Variants in FPGT observed in about 807,000 individuals in gnomAD.
The protein encoded by FPGT is fucose-1-phosphate guanylyltransferase.
In FPGT, 41 loss-of-function variants were observed where a neutral mutation model predicts 45.8. The observed-to-expected ratio is 0.90, with a 90% CI of 0.70 to 1.16. The LOEUF (loss-of-function observed/expected upper bound fraction) is 1.16, where lower values mean the gene tolerates loss of function less well. Among genes scored for constraint, FPGT ranks in the 50% most tolerant of loss-of-function variants. The pLI, the probability that FPGT is intolerant of heterozygous loss-of-function variation, is 0.00. For synonymous variants in FPGT, 292 were observed against 247.2 expected, an observed-to-expected ratio of 1.18 and a Z score of -1.70; for missense variants, 755 against 689.1, an observed-to-expected ratio of 1.10 and a Z score of -1.07.
In FPGT at chr1:74,204,770, T is replaced by C. The variant is rs1311343542; in HGVS notation, c.723T>C (p.Ala241=). The change falls in exon 4 of 4, where the codon GCT becomes GCC. Residue 241 remains alanine, a synonymous_variant. Transcript: ENST00000370898. ...PSIEKMYQFN[A]VCRPGNFCQQ... ...TAGAAAAGATGTATCAGTTTAATGCTGTGTGTAGACCTGGAAATTTTTGTC... is the reference window on the plus strand; with the variant it reads ...TAGAAAAGATGTATCAGTTTAATGCCGTGTGTAGACCTGGAAATTTTTGTC... 1.9e-6 allele frequency: 3 copies of C among 1,613,952 alleles called. No individual in the cohort carries two copies. The highest frequency in any genetic ancestry group is 2.5e-6 in the Non-Finnish European group (3 of 1,179,938).
rs1401553458 is a variant in FPGT at position 74,201,393 on chromosome 1, T to C, written c.326T>C (p.Ile109Thr). The change falls in exon 3 of 4, where the codon ATC (isoleucine) becomes ACC (threonine). Residue 109 changes from isoleucine (I) to threonine (T), a missense_variant. Transcript: ENST00000370898. Reference sequence around the variant, plus strand: ...GGAGATAAATGGAATTCTTTTACCATCTTATTAATTCACTCTGGTAATGTT... The same window carrying C: ...GGAGATAAATGGAATTCTTTTACCACCTTATTAATTCACTCTGGTAATGTT... ...LYGDKWNSFT[I>T]LLIHSGGYSQ... 2 of 1,606,234 alleles carry C rather than the reference T, an allele frequency of 1.2e-6. No homozygotes were observed. The highest frequency in any genetic ancestry group is 1.7e-6 in the Non-Finnish European group (2 of 1,174,796).
In FPGT at chr1:74,205,671, C is replaced by T. The variant is rs1652227659; in HGVS notation, c.1624C>T (p.Leu542=). 39 of 1,608,650 alleles carry T rather than the reference C, an allele frequency of 2.4e-5. No individual in the cohort carries two copies. In the East Asian group the frequency reaches 8.7e-4, roughly 36 times the overall value. ...SSLSDSVITS[L]KMLNAVKNKS... is the part of the protein sequence containing the mutation. ...TTTGAGTGACTCAGTTATAACATCCCTAAAGATGTTAAATGCTGTTAAGAA... is the reference window on the plus strand; with the variant it reads ...TTTGAGTGACTCAGTTATAACATCCTTAAAGATGTTAAATGCTGTTAAGAA... The change falls in exon 4 of 4, where the codon CTA becomes TTA. Residue 542 remains leucine, a synonymous_variant. Transcript: ENST00000370898.
chr1:74,204,479 A>C lies in FPGT; in HGVS notation c.432A>C (p.Leu144=), dbSNP rs775943283. Residue 144 remains leucine (L), a synonymous_variant, in exon 4 of 4, where the codon CTA becomes CTC. Coordinates refer to ENST00000370898, the MANE Select transcript of FPGT (RefSeq NM_003838.5). Reference sequence around the variant, plus strand: ...TTGGTAACCCCATTTATCAGATGCTAGAATTAAAACTAGCCATGTACATTG... The same window carrying C: ...TTGGTAACCCCATTTATCAGATGCTCGAATTAAAACTAGCCATGTACATTG... The part of the protein sequence containing the change: ...LPLGNPIYQM[L]ELKLAMYIDF... 5 of 1,610,844 alleles carry C rather than the reference A, an allele frequency of 3.1e-6. No homozygotes were observed. The highest frequency in any genetic ancestry group is 1.3e-5 in the African/African-American group (1 of 74,882).
chr1:74,199,973 T>G, intron 2 of FPGT, 142 bp downstream of exon 2: 1 of 999,316 alleles, frequency 1.0e-6, no homozygotes, highest in Non-Finnish European at 1.4e-6. Flanking sequence ...ATAAATTGAC[T>G]TTTTTTAGAA....
At position 74,205,117 on chromosome 1, in the gene FPGT, A is replaced by G. The variant is rs1344788432; in HGVS notation, c.1070A>G (p.Tyr357Cys). 6.2e-7 allele frequency: 1 copy of G among 1,613,674 alleles called. No individual in the cohort carries two copies. Residue 357 changes from tyrosine (Y) to cysteine (C), a missense_variant, in exon 4 of 4, where the codon TAT (tyrosine) becomes TGT (cysteine). Transcript: ENST00000370898. ...GTTGTTCTTAATAACTCCAAATTTT[A>G]TCACATTGGAACAACCGAAGAATAT... ...NVVVLNNSKF[Y>C]HIGTTEEYLF... is the part of the protein sequence containing the mutation.
rs201158336 is a variant in FPGT, at chr1:74,199,713, G to A, written c.132G>A (p.Ala44=). ...GEFWDIVAIT[A]ADEKQELAYN... Reference sequence around the variant, plus strand: ...TCTGGGACATAGTTGCAATAACAGCGGCTGATGAAAAACAGGAACTTGCTT... The same window carrying A: ...TCTGGGACATAGTTGCAATAACAGCAGCTGATGAAAAACAGGAACTTGCTT... Residue 44 remains alanine, a synonymous_variant, in exon 2 of 4, where the codon GCG becomes GCA. Transcript: ENST00000370898. The A allele has an allele frequency of 1.5e-5, 25 of 1,613,984 alleles. No homozygotes were observed. In the African/African-American group the frequency reaches 3.1e-4, roughly 20 times the overall value.
Position 74,205,940 on chromosome 1 carries a change from A to G in FPGT, c.*108A>G, listed in dbSNP as rs1652250072. On this transcript the variant is annotated 3_prime_UTR_variant, in exon 4 of 4. Coordinates refer to ENST00000370898, the MANE Select transcript of FPGT (RefSeq NM_003838.5). ...CAGTTAATGAAAACTGTATTAACAT[A>G]ATTGTTGTAGCATAATATTAATAGT... 2 of 636,044 alleles carry G rather than the reference A, an allele frequency of 3.1e-6. No homozygotes were observed. Among genetic ancestry groups the G allele is most frequent in the South Asian group, 2.1e-5 (1 of 46,974 alleles). 39.4% of individuals were successfully genotyped at this position (636,044 alleles called of 1,614,324 possible).
chr1:74,202,186 A>T (rs1651858661), intron 3 of FPGT, among the ~76,000 whole-genome samples: 1 of 152,240 alleles, frequency 6.6e-6, no homozygotes, highest in Admixed American at 6.5e-5. Flanking sequence ...TTGTGTGAAA[A>T]TTTTGGTTAC....
Position 74,198,932 on chromosome 1 carries a change from A to G in FPGT, c.82+572A>G, listed in dbSNP as rs369965172. Among the ~76,000 whole-genome samples the G allele has an allele frequency of 9.2e-5, 14 of 152,362 alleles. No homozygotes were observed. In the East Asian group the frequency reaches 2.1e-3, roughly 23 times the overall value. On this transcript the variant is annotated intron_variant, in intron 1 of 3. Transcript: ENST00000370898. ...CAGTGACTGCTTAAAAAATACTGGG[A>G]CTAATTCTTGGATAACAGTAAAACT...
intron 1 of FPGT, among the ~76,000 whole-genome samples, chr1:74,198,598 GGAA>G (rs1043501108): frequency 3.0e-4 from 45 of 152,162 alleles, no homozygotes; most frequent in Non-Finnish European, 4.7e-4. Flanking sequence ...TGAGGGCGGA[GGAA>G]GAAGAAGAAA....
chr1:74,198,505 C>A, intron 1 of FPGT, 145 bp downstream of exon 1: 1 of 1,158,076 alleles, frequency 8.6e-7, no homozygotes, highest in South Asian at 1.4e-5. Context: ...GCTAATAATC[C>A]TTTTGAGTTT....
Position 74,205,834 on chromosome 1 carries a change from G to T in FPGT, c.*2G>T. ...AGTTTAAAAAGCAGTTTGATGTAGA[G>T]ATATTTTAAATATTGTACACTTTGC... is the stretch of plus-strand genomic sequence containing the variant. On this transcript the variant is annotated 3_prime_UTR_variant, in exon 4 of 4. Coordinates refer to ENST00000370898, the MANE Select transcript of FPGT (RefSeq NM_003838.5). The T allele has an allele frequency of 6.7e-7, 1 of 1,500,566 alleles. No individual in the cohort carries two copies. The highest frequency in any genetic ancestry group is 9.2e-7 in the Non-Finnish European group (1 of 1,092,000). 93.0% of individuals were successfully genotyped at this position (1,500,566 alleles called of 1,614,324 possible).
chr1:74,205,848 T>C lies in FPGT; in HGVS notation c.*16T>C, dbSNP rs747313963. On this transcript the variant is annotated 3_prime_UTR_variant, in exon 4 of 4. Transcript: ENST00000370898. ...TTTGATGTAGAGATATTTTAAATAT[T>C]GTACACTTTGCCTTTTTGAGTAACA... 2.1e-6 allele frequency: 3 copies of C among 1,414,662 alleles called. No individual in the cohort carries two copies. Among genetic ancestry groups the C allele is most frequent in the Non-Finnish European group, 2.9e-6 (3 of 1,028,318 alleles). The allele number at this position is 1,414,662 out of a possible 1,614,324, so 87.6% of individuals were successfully genotyped here.
At chr1:74,203,015 C>CTT (rs975213047) in intron 3 of FPGT, among the ~76,000 whole-genome samples, 2 of 151,862 alleles carry the variant, frequency 1.3e-5, no homozygotes, top group South Asian at 4.2e-4. Context: ...TTATGCTTAA[C>CTT]TTTTTTTTGT....
rs913900910 is a variant in FPGT at position 74,207,033 on chromosome 1, A to G, written c.*1201A>G. On this transcript the variant is annotated 3_prime_UTR_variant, in exon 4 of 4. Transcript: ENST00000370898. ...TTTTCCAAAGTTTTTCCCAAGGAGA[A>G]GATACAAATATATGGTAGCTATTGT... 1.1e-4 allele frequency: 17 copies of G among 152,130 alleles called. No individual in the cohort carries two copies. Among genetic ancestry groups the G allele is most frequent in the African/African-American group, 3.9e-4 (16 of 41,530 alleles). 9.4% of individuals were successfully genotyped at this position (152,130 alleles called of 1,614,324 possible). A position where few individuals can be genotyped will look rare whatever the true frequency, so the allele number is the denominator to read the frequency against.
chr1:74,207,695 G>A lies in FPGT; in HGVS notation c.*1863G>A, dbSNP rs1445766590. Among the ~76,000 whole-genome samples, 2 of 151,808 alleles carry A rather than the reference G, an allele frequency of 1.3e-5. No individual in the cohort carries two copies. Among genetic ancestry groups the A allele is most frequent in the Admixed American group, 6.6e-5 (1 of 15,232 alleles). Reference sequence around the variant, plus strand: ...TGTCAATATGAAAATTAATTGTTTGGTAAACCAGAAGTGACCTGTCTGAAG... The same window carrying A: ...TGTCAATATGAAAATTAATTGTTTGATAAACCAGAAGTGACCTGTCTGAAG... On this transcript the variant is annotated 3_prime_UTR_variant, in exon 4 of 4. Coordinates refer to ENST00000370898, the MANE Select transcript of FPGT (RefSeq NM_003838.5).
intron 2 of FPGT, among the ~76,000 whole-genome samples, chr1:74,201,005 AT>A (rs1651743243): frequency 6.6e-6 from 1 of 152,064 alleles, no homozygotes; most frequent in African/African-American, 2.4e-5. Flanking sequence ...GAATGTTTAT[AT>A]TTATCAGTCT....
Position 74,198,304 on chromosome 1 carries a change from A to T in FPGT, c.26A>T (p.Glu9Val). 1 of 1,614,100 alleles carries T rather than the reference A, an allele frequency of 6.2e-7. No homozygotes were observed. The highest frequency in any genetic ancestry group is 8.5e-7 in the Non-Finnish European group (1 of 1,180,022). MAAARDPP[E>V]VSLREATQRK... ...ATGGCAGCTGCTAGGGACCCTCCGG[A>T]AGTATCGCTGCGAGAAGCCACCCAG... Residue 9 changes from glutamate to valine, a missense_variant, in exon 1 of 4, where the codon GAA (glutamate) becomes GTA (valine). Glu to Val is a moderately radical substitution (Grantham distance 121). Transcript: ENST00000370898.
chr1:74,204,430 G>GA lies in FPGT; in HGVS notation c.388dup (p.Ile130AsnfsTer9). On this transcript the variant is annotated frameshift_variant, in exon 4 of 4. Transcript: ENST00000370898. LOFTEE classifies it high-confidence loss of function. Reference sequence around the variant, plus strand: ...CGACTTCCAAATGCAAGTGCTCTGGGAAAAATTTTCACTGCTTTACCTCTT... The same window carrying GA: ...CGACTTCCAAATGCAAGTGCTCTGGGAAAAAATTTTCACTGCTTTACCTCTT... The GA allele has an allele frequency of 6.3e-7, 1 of 1,597,890 alleles. No homozygotes were observed. Among genetic ancestry groups the GA allele is most frequent in the Non-Finnish European group, 8.5e-7 (1 of 1,171,936 alleles).
Sources: gnomAD v4.1 joint callset for allele counts (sites outside exome capture counted in the v4.1 genomes callset) on GRCh38, gnomAD v4.1.1 for gene constraint, MANE v1.5 for transcripts, NCBI Gene and HGNC (gene_info 2026-07-23, HGNC 2026-07-21) for gene names.